The following OTUD7A variants were observed in gnomAD, a reference collection of about 807,000 sequenced individuals.
The protein encoded by OTUD7A is OTU domain-containing protein 7A.
OTUD7A carries 12 observed loss-of-function variants against 65.7 expected under a neutral mutation model. The ratio of observed to expected loss-of-function variants is 0.18; its 90% CI spans 0.12 to 0.30. OTUD7A has a LOEUF of 0.30. OTUD7A is among the 10% of genes least tolerant of loss of function. OTUD7A has a pLI of 1.00. For missense variants in OTUD7A, 1,148 were observed against 1,304.8 expected (o/e 0.88, Z 1.85); for synonymous variants, 641 against 586.3 (o/e 1.09, Z -1.35).
intron 5 of OTUD7A, among the ~76,000 whole-genome samples, chr15:31,539,459 A>C (rs1029542364): frequency 6.6e-6 from 1 of 152,232 alleles, no homozygotes; most frequent in African/African-American, 2.4e-5. Context: ...TTGTACGTGA[A>C]CTGGCTGGGA....
At chr15:31,733,466 A>G (rs919449530) in intron 1 of OTUD7A, among the ~76,000 whole-genome samples, 1 of 152,212 alleles carries the variant, frequency 6.6e-6, no homozygotes, top group Non-Finnish European at 1.5e-5. Flanking sequence ...CCTGCTGCTC[A>G]GCCTGACTAA....
At chr15:31,661,775 A>G (rs1291476274) in intron 1 of OTUD7A, among the ~76,000 whole-genome samples, 3 of 152,232 alleles carry the variant, frequency 2.0e-5, no homozygotes, top group Non-Finnish European at 4.4e-5. Context: ...AATGATATCA[A>G]ATGTTGTAAG....
intron 5 of OTUD7A, among the ~76,000 whole-genome samples, chr15:31,550,010 G>A (rs1888266913): frequency 6.6e-6 from 1 of 151,012 alleles, no homozygotes; most frequent in Admixed American, 6.6e-5. Context: ...TGAGGCAGGA[G>A]AATCGCTTGA....
At chr15:31,720,109 T>C (rs931862646) in intron 1 of OTUD7A, among the ~76,000 whole-genome samples, 1 of 151,952 alleles carries the variant, frequency 6.6e-6, no homozygotes, top group Admixed American at 6.6e-5. Context: ...AATTGTAATA[T>C]AATGGAGAAT....
chr15:31,741,835 A>G (rs1279526179), intron 1 of OTUD7A, among the ~76,000 whole-genome samples: 2 of 152,096 alleles, frequency 1.3e-5, no homozygotes, highest in African/African-American at 2.4e-5. Flanking sequence ...AAGATCAGAA[A>G]TTTTTTAAAA....
intron 1 of OTUD7A, among the ~76,000 whole-genome samples, chr15:31,751,135 T>C (rs1367134099): frequency 6.6e-6 from 1 of 151,918 alleles, no homozygotes; most frequent in African/African-American, 2.4e-5. Flanking sequence ...ATATACCACC[T>C]AGAGAAATGG....
At chr15:31,801,673 T>C (rs1896128691) in intron 1 of OTUD7A, among the ~76,000 whole-genome samples, 1 of 152,154 alleles carries the variant, frequency 6.6e-6, no homozygotes, top group Admixed American at 6.6e-5. Flanking sequence ...TTGTGCTGTG[T>C]GTATGTGTGT....
At chr15:31,659,033 G>GAATAAATAAATA (rs527350698) in intron 1 of OTUD7A, among the ~76,000 whole-genome samples, 1 of 113,792 alleles carries the variant, frequency 8.8e-6, no homozygotes, top group Non-Finnish European at 1.8e-5. Context: ...ATGAATGAAT[G>GAATAAATAAATA]AATGAATGAA....
At chr15:31,754,447 G>A (rs886367194) in intron 1 of OTUD7A, among the ~76,000 whole-genome samples, 50 of 152,312 alleles carry the variant, frequency 3.3e-4, no homozygotes, top group Non-Finnish European at 1.5e-4. Context: ...CCAAGGTCTA[G>A]AAGGGTTTTT....
intron 1 of OTUD7A, among the ~76,000 whole-genome samples, chr15:31,770,225 A>G (rs1895197619): frequency 6.6e-6 from 1 of 152,202 alleles, no homozygotes; most frequent in Non-Finnish European, 1.5e-5. Flanking sequence ...ATCATGAATG[A>G]AAGAGGGGAC....
At chr15:31,658,805 A>G (rs1231491641) in intron 1 of OTUD7A, among the ~76,000 whole-genome samples, 2 of 151,476 alleles carry the variant, frequency 1.3e-5, no homozygotes, top group African/African-American at 2.4e-5. Context: ...AGGCTCGTAG[A>G]TCACCTGAGG....
At chr15:31,606,126 T>C (rs1595649484) in intron 3 of OTUD7A, among the ~76,000 whole-genome samples, 1 of 152,252 alleles carries the variant, frequency 6.6e-6, no homozygotes, top group Non-Finnish European at 1.5e-5. Flanking sequence ...ATCCCCATCA[T>C]AGTTGCTCTT....
At chr15:31,814,543 A>C (rs1406418962) in intron 1 of OTUD7A, among the ~76,000 whole-genome samples, 1 of 147,420 alleles carries the variant, frequency 6.8e-6, no homozygotes, top group Non-Finnish European at 1.5e-5. Flanking sequence ...TTTTTTTTTG[A>C]GACAGAGTCT....
intron 3 of OTUD7A, among the ~76,000 whole-genome samples, chr15:31,641,922 T>G (rs1157877418): frequency 6.6e-6 from 1 of 152,192 alleles, no homozygotes; most frequent in Non-Finnish European, 1.5e-5. Context: ...ATTGTTTGAC[T>G]GCACTGGCCA....
Position 31,479,782 on chromosome 15 carries a change from C to A in OTUD7A, c.*3512G>T, listed in dbSNP as rs191033790. The A allele has an allele frequency of 1.3e-5, 2 of 152,122 alleles. No individual in the cohort carries two copies. Among genetic ancestry groups the A allele is most frequent in the Admixed American group, 1.3e-4 (2 of 15,282 alleles). 9.4% of individuals were successfully genotyped at this position (152,122 alleles called of 1,614,324 possible). On this transcript the variant is annotated 3_prime_UTR_variant, in exon 13 of 13. Coordinates refer to ENST00000307050, the MANE Select transcript of OTUD7A (RefSeq NM_001382637.1). ...ATGGAGAGTCCTTTTATCTTCAGCACCCCCAATTCTTGACAGTAAGCTACG... is the reference window on the plus strand; with the variant it reads ...ATGGAGAGTCCTTTTATCTTCAGCAACCCCAATTCTTGACAGTAAGCTACG...
intron 10 of OTUD7A, 111 bp downstream of exon 10, chr15:31,501,579 G>T: frequency 7.2e-7 from 1 of 1,390,744 alleles, no homozygotes; most frequent in Non-Finnish European, 1.0e-6. Flanking sequence ...GCACAGGTGT[G>T]CTTCTAAGGG....
chr15:31,643,183 T>C (rs1274336438), intron 3 of OTUD7A, among the ~76,000 whole-genome samples: 1 of 152,200 alleles, frequency 6.6e-6, no homozygotes, highest in African/African-American at 2.4e-5. Context: ...GAGGGTCTCA[T>C]TATGTAGCCC....
At chr15:31,822,313 G>A (rs183567078) in intron 1 of OTUD7A, among the ~76,000 whole-genome samples, 7 of 152,294 alleles carry the variant, frequency 4.6e-5, no homozygotes, top group Admixed American at 4.6e-4. Flanking sequence ...CTGCTCTCTG[G>A]GGGCAGGCAT....
chr15:31,693,063 T>C (rs539953839), intron 1 of OTUD7A, among the ~76,000 whole-genome samples: 1 of 152,224 alleles, frequency 6.6e-6, no homozygotes, highest in South Asian at 2.1e-4. Flanking sequence ...GGTCTGTCTC[T>C]CAGGAAGGTG....
Sources: gnomAD v4.1 joint callset for allele counts (sites outside exome capture counted in the v4.1 genomes callset) on GRCh38, gnomAD v4.1.1 for gene constraint, MANE v1.5 for transcripts, NCBI Gene and HGNC (gene_info 2026-07-23, HGNC 2026-07-21) for gene names.